Variants in GDPD4 observed in about 807,000 individuals in gnomAD.
The protein encoded by GDPD4 is glycerophosphodiester phosphodiesterase domain containing 4.
A neutral mutation model predicts 67.8 loss-of-function variants in GDPD4; 60 were observed. The observed-to-expected ratio is 0.88, with a 90% CI of 0.72 to 1.10. The LOEUF (loss-of-function observed/expected upper bound fraction) is 1.10, where lower values mean the gene tolerates loss of function less well. GDPD4 is among the 50% of genes least tolerant of loss of function. The probability of loss-of-function intolerance (pLI) is 0.00; values close to 1 mark genes in which losing one functional copy is unlikely to be tolerated. For missense variants in GDPD4, 623 were observed against 613.9 expected, an observed-to-expected ratio of 1.01 and a Z score of -0.16; for synonymous variants, 212 against 210.9, an observed-to-expected ratio of 1.00 and a Z score of -0.04.
At chr11:77,233,446 G>GAAAAAAAA (rs34507126) in intron 13 of GDPD4, among the ~76,000 whole-genome samples, 3 of 100,394 alleles carry the variant, frequency 3.0e-5, no homozygotes, top group Non-Finnish European at 3.8e-5. Context: ...AAAACATATT[G>GAAAAAAAA]AAAAAAAAAA....
chr11:77,235,011 T>TG (rs1958527035), intron 13 of GDPD4, among the ~76,000 whole-genome samples: 1 of 38,144 alleles, frequency 2.6e-5, no homozygotes, highest in Non-Finnish European at 4.6e-5. Context: ...CAATATCTGT[T>TG]TTTTTTTTTT....
chr11:77,289,405 GAGAC>G (rs1260983968), intron 1 of GDPD4, among the ~76,000 whole-genome samples: 2 of 150,114 alleles, frequency 1.3e-5, no homozygotes, highest in East Asian at 4.0e-4. Flanking sequence ...AAGACGGAAA[GAGAC>G]AGAGAGAGAA....
chr11:77,294,998 CCT>C (rs1937903872), intron 1 of GDPD4, among the ~76,000 whole-genome samples: 1 of 142,596 alleles, frequency 7.0e-6, no homozygotes, highest in South Asian at 2.3e-4. Context: ...ACAGAGTCTC[CCT>C]CTGTCACCCA....
intron 11 of GDPD4, among the ~76,000 whole-genome samples, chr11:77,257,492 C>T (rs1199387227): frequency 1.4e-5 from 2 of 142,038 alleles, no homozygotes; most frequent in African/African-American, 2.4e-5. Context: ...ATCTATCGCT[C>T]ATCTACTTCC....
chr11:77,237,107 T>C (rs1958583509), intron 13 of GDPD4, among the ~76,000 whole-genome samples: 1 of 152,208 alleles, frequency 6.6e-6, no homozygotes, highest in South Asian at 2.1e-4. Context: ...GATAACTCTC[T>C]GGGACTATCA....
intron 10 of GDPD4, among the ~76,000 whole-genome samples, chr11:77,262,511 C>T (rs1959138287): frequency 6.6e-6 from 1 of 152,166 alleles, no homozygotes; most frequent in Non-Finnish European, 1.5e-5. Context: ...TGACCATTTG[C>T]ATCCCCAGTG....
At chr11:77,242,990 T>C (rs145157548) in intron 13 of GDPD4, among the ~76,000 whole-genome samples, 1,945 of 152,134 alleles carry the variant, frequency 0.013, 13 homozygotes, top group Middle Eastern at 0.017. Context: ...TAACCTGTTA[T>C]CTCCCTCCCT....
Position 77,271,750 on chromosome 11 carries a change from G to T in GDPD4, c.208-357C>A, listed in dbSNP as rs116922247. On this transcript the variant is annotated intron_variant, in intron 5 of 16. Transcript: ENST00000315938. ...CATTAAATTCTTCACCATTTCTTTA[G>T]TCCTCAATTGTATACTCAATACAAT... Among the ~76,000 whole-genome samples, 780 of 152,146 alleles carry T rather than the reference G, an allele frequency of 5.1e-3. 2 individuals carry two copies. Among genetic ancestry groups the T allele is most frequent in the Non-Finnish European group, 9.4e-3 (640 of 67,998 alleles).
intron 2 of GDPD4, among the ~76,000 whole-genome samples, 152 bp from the exon 3 acceptor site, chr11:77,285,339 C>A (rs1333591040): frequency 1.3e-5 from 2 of 152,196 alleles, no homozygotes. Flanking sequence ...TTACCCCTAC[C>A]AAATCCTGTA....
intron 13 of GDPD4, among the ~76,000 whole-genome samples, chr11:77,236,850 T>C (rs559023981): frequency 2.6e-5 from 4 of 152,280 alleles, no homozygotes; most frequent in East Asian, 1.9e-4. Flanking sequence ...TTTCTTTGAT[T>C]GGGGAAGTTG....
At chr11:77,263,125 T>G (rs1408065125) in intron 10 of GDPD4, among the ~76,000 whole-genome samples, 1 of 151,796 alleles carries the variant, frequency 6.6e-6, no homozygotes, top group Non-Finnish European at 1.5e-5. Flanking sequence ...TAAAAAAGAT[T>G]AAAATAATTA....
rs1958759539 is a variant in GDPD4, at chr11:77,245,343, T to C, written c.1024A>G (p.Arg342Gly). 1 of 1,614,052 alleles carries C rather than the reference T, an allele frequency of 6.2e-7. No individual in the cohort carries two copies. The highest frequency in any genetic ancestry group is 1.3e-5 in the African/African-American group (1 of 74,920). The change falls in exon 12 of 17, where the codon AGA becomes GGA. Residue 342 changes from arginine to glycine, a missense_variant. Transcript: ENST00000315938. ...ACTACTTGGCGGACAAATGTGTGTCTGAGAGGATGTTTTGGTGGAGGGCGA... is the reference window on the plus strand; with the variant it reads ...ACTACTTGGCGGACAAATGTGTGTCCGAGAGGATGTTTTGGTGGAGGGCGA... ...LHRPPPKHPL[R>G]HTFVRQVVSV...
At chr11:77,272,701 G>T (rs1239004541) in intron 5 of GDPD4, among the ~76,000 whole-genome samples, 1 of 151,910 alleles carries the variant, frequency 6.6e-6, no homozygotes, top group Non-Finnish European at 1.5e-5. Flanking sequence ...GCTTGAACCC[G>T]GGAGGCAGAA....
intron 5 of GDPD4, 78 bp downstream of exon 5, chr11:77,276,083 G>C: frequency 1.0e-6 from 1 of 1,004,104 alleles, no homozygotes; most frequent in Non-Finnish European, 1.6e-6. Flanking sequence ...ACAAAACTGA[G>C]TACCAAGGAG....
intron 16 of GDPD4, among the ~76,000 whole-genome samples, chr11:77,218,551 C>A (rs1355175519): frequency 6.6e-6 from 1 of 152,108 alleles, no homozygotes; most frequent in Admixed American, 6.5e-5. Context: ...ACCCCCACCC[C>A]ACGACAGGCT....
intron 16 of GDPD4, among the ~76,000 whole-genome samples, chr11:77,227,463 C>G (rs1055392786): frequency 6.6e-6 from 1 of 152,218 alleles, no homozygotes; most frequent in African/African-American, 2.4e-5. Flanking sequence ...TATACTTTTG[C>G]CTTCTTCCTC....
intron 16 of GDPD4, among the ~76,000 whole-genome samples, chr11:77,221,735 C>A (rs918262695): frequency 1.2e-4 from 19 of 152,094 alleles, no homozygotes; most frequent in African/African-American, 4.3e-4. Flanking sequence ...AGTTCTGTAG[C>A]TGTCTATTAG....
At chr11:77,239,046 A>G (rs1344325932) in intron 13 of GDPD4, among the ~76,000 whole-genome samples, 1 of 152,258 alleles carries the variant, frequency 6.6e-6, no homozygotes, top group African/African-American at 2.4e-5. Flanking sequence ...CATCATATGC[A>G]AATCAATAAA....
chr11:77,236,771 C>T (rs1487351824), intron 13 of GDPD4, among the ~76,000 whole-genome samples: 1 of 151,938 alleles, frequency 6.6e-6, no homozygotes, highest in African/African-American at 2.4e-5. Context: ...ATCGCAATTA[C>T]AGTTGGATAT....
Sources: allele counts gnomAD v4.1 joint callset (sites outside exome capture counted in the v4.1 genomes callset), GRCh38; gene constraint gnomAD v4.1.1; transcripts MANE v1.5; gene names NCBI Gene and HGNC (gene_info 2026-07-23, HGNC 2026-07-21).